OSBPL6: variants seen among roughly 807,000 people sequenced by gnomAD.
OSBPL6 encodes oxysterol binding protein like 6.
A neutral mutation model predicts 125.8 loss-of-function variants in OSBPL6; 49 were observed. That is an observed-to-expected ratio of 0.39 (90% CI 0.31 to 0.49). The LOEUF is 0.49. Among genes scored for constraint, OSBPL6 ranks in the 20% least tolerant of loss-of-function variants. The pLI is 0.88. For missense variants in OSBPL6, 986 were observed against 1,135.4 expected, an observed-to-expected ratio of 0.87 and a Z score of 1.89; for synonymous variants, 394 against 391.8, an observed-to-expected ratio of 1.01 and a Z score of -0.07.
chr2:178,272,496 G>A lies in OSBPL6; in HGVS notation c.-350-12431G>A, dbSNP rs146689598. Among the ~76,000 whole-genome samples the A allele has an allele frequency of 1.7e-4, 26 of 152,278 alleles. 1 individual carries two copies. The highest frequency in any genetic ancestry group is 5.8e-4 in the African/African-American group (24 of 41,554). ...TTGCAGCAGGGGAAAGACAGGATCA[G>A]CTATCTTATGATTTATCTAATTTGG... On this transcript the variant is annotated intron_variant, in intron 1 of 24. Coordinates refer to ENST00000190611, the MANE Select transcript of OSBPL6 (RefSeq NM_032523.4).
chr2:178,233,609 G>A (rs944254835), intron 1 of OSBPL6, among the ~76,000 whole-genome samples: 12 of 152,166 alleles, frequency 7.9e-5, no homozygotes, highest in African/African-American at 2.9e-4. Flanking sequence ...GCATCATCCT[G>A]GGGATCCCTC....
chr2:178,263,806 C>CGTGTGTGT (rs71393413), intron 1 of OSBPL6, among the ~76,000 whole-genome samples: 71 of 147,904 alleles, frequency 4.8e-4, no homozygotes, highest in East Asian at 2.8e-3. Context: ...ACTGTGTACA[C>CGTGTGTGT]GTGTGTGTGT....
intron 3 of OSBPL6, among the ~76,000 whole-genome samples, chr2:178,318,954 G>T (rs1688003702): frequency 6.6e-6 from 1 of 152,224 alleles, no homozygotes; most frequent in Non-Finnish European, 1.5e-5. Context: ...GGGCAGCACT[G>T]TGCATACACT....
intron 5 of OSBPL6, among the ~76,000 whole-genome samples, chr2:178,328,957 T>G (rs1688948556): frequency 6.6e-6 from 1 of 152,234 alleles, no homozygotes; most frequent in African/African-American, 2.4e-5. Context: ...TTAGTATAGA[T>G]AAGTTCTCAT....
In OSBPL6 at chr2:178,349,283, T is replaced by C. The variant is rs775111851; in HGVS notation, c.1047T>C (p.Cys349=). 6.2e-7 allele frequency: 1 copy of C among 1,614,142 alleles called. No homozygotes were observed. The highest frequency in any genetic ancestry group is 1.7e-5 in the Admixed American group (1 of 60,024). Residue 349 remains cysteine, a synonymous_variant, in exon 12 of 25, where the codon TGT becomes TGC. Coordinates refer to ENST00000190611, the MANE Select transcript of OSBPL6 (RefSeq NM_032523.4). The part of the protein sequence containing the change: ...VRLHSSNPNL[C]ADIEFQTPPS... ...TGCATTCCTCCAACCCCAACCTTTG[T>C]GCAGATATTGAATTTCAGACTCCCC...
In OSBPL6 at chr2:178,209,851, G is replaced by A. The variant is rs376854690; in HGVS notation, c.-351+15177G>A. ...CTTTTGCCTGAAGGCTACAGGTCTG[G>A]CTACCATTAAGAAAAAAAAAAAACT... On this transcript the variant is annotated intron_variant, in intron 1 of 24. Transcript: ENST00000190611. Among the ~76,000 whole-genome samples, 22 of 151,166 alleles carry A rather than the reference G, an allele frequency of 1.5e-4. No homozygotes were observed. In the Middle Eastern group the frequency reaches 0.01, roughly 71 times the overall value.
chr2:178,194,386 G>C (rs536825742), upstream of OSBPL6: 1 of 152,140 alleles, frequency 6.6e-6, no homozygotes, highest in South Asian at 2.1e-4. Context: ...CTCCAGCCGG[G>C]CGGACGGGCG....
chr2:178,318,419 A>G (rs1425700779), intron 3 of OSBPL6, among the ~76,000 whole-genome samples: 2 of 152,278 alleles, frequency 1.3e-5, no homozygotes, highest in Non-Finnish European at 1.5e-5. Context: ...TTATATAGAG[A>G]CCTACTGTTA....
chr2:178,313,649 C>T (rs182573914), intron 3 of OSBPL6, among the ~76,000 whole-genome samples: 72 of 152,196 alleles, frequency 4.7e-4, no homozygotes, highest in African/African-American at 1.5e-3. Flanking sequence ...ATCTTCTTAC[C>T]AGTTTTTATG....
chr2:178,323,209 T>G (rs1559244412), intron 3 of OSBPL6, among the ~76,000 whole-genome samples: 2 of 152,236 alleles, frequency 1.3e-5, no homozygotes, highest in Non-Finnish European at 2.9e-5. Flanking sequence ...TTCTTGAATC[T>G]GATGGGTAAA....
intron 13 of OSBPL6, among the ~76,000 whole-genome samples, chr2:178,365,191 A>G (rs1468195272): frequency 2.0e-5 from 3 of 152,142 alleles, no homozygotes; most frequent in Non-Finnish European, 4.4e-5. Context: ...ATAAATAAAT[A>G]AAAAACTTAT....
intron 24 of OSBPL6, among the ~76,000 whole-genome samples, chr2:178,394,943 A>G (rs1695716558): frequency 1.3e-5 from 2 of 152,184 alleles, no homozygotes; most frequent in Non-Finnish European, 2.9e-5. Context: ...TGCCCTCCAG[A>G]GCCAGGACAA....
At chr2:178,200,019 T>A (rs1413361448) in intron 1 of OSBPL6, among the ~76,000 whole-genome samples, 2 of 152,224 alleles carry the variant, frequency 1.3e-5, no homozygotes, top group East Asian at 3.8e-4. Flanking sequence ...TAATGCCTAA[T>A]TATTCTTTGT....
intron 3 of OSBPL6, among the ~76,000 whole-genome samples, chr2:178,313,541 CAA>C (rs1687480052): frequency 2.6e-5 from 4 of 151,910 alleles, no homozygotes; most frequent in African/African-American, 9.7e-5. Context: ...CGTAATGACT[CAA>C]AGTTTGCTGA....
chr2:178,272,792 GT>G lies in OSBPL6; in HGVS notation c.-350-12134del, dbSNP rs559619465. Among the ~76,000 whole-genome samples, 13 of 152,336 alleles carry G rather than the reference GT, an allele frequency of 8.5e-5. No individual in the cohort carries two copies. The South Asian group carries it at 2.3e-3, about 27-fold the overall frequency. ...CACTTTAGCATCCTTCTTGCATACT[GT>G]AGCAAAAAGCATGAGCACCTGCCAT... is the stretch of plus-strand genomic sequence containing the variant. On this transcript the variant is annotated intron_variant, in intron 1 of 24. Transcript: ENST00000190611.
At chr2:178,299,720 A>G (rs1181233255) in intron 2 of OSBPL6, among the ~76,000 whole-genome samples, 1 of 152,252 alleles carries the variant, frequency 6.6e-6, no homozygotes, top group East Asian at 1.9e-4. Flanking sequence ...GTGTTTTACA[A>G]TATTTAGTTC....
rs1020074600 is a variant in OSBPL6, at chr2:178,285,124, G to A, written c.-156+3G>A. 2.5e-6 allele frequency: 1 copy of A among 398,282 alleles called. No individual in the cohort carries two copies. The highest frequency in any genetic ancestry group is 4.4e-5 in the Admixed American group (1 of 22,698). 24.7% of individuals were successfully genotyped at this position (398,282 alleles called of 1,614,324 possible). ...AGACTTTGACTCCAAGGTGCAAGGT[G>A]AGTTAGAAGAACACAAGCTTAAAAC... On this transcript the variant is annotated splice_donor_region_variant and intron_variant, in intron 2 of 24. Transcript: ENST00000190611.
At chr2:178,287,025 T>C (rs190185360) in intron 2 of OSBPL6, among the ~76,000 whole-genome samples, 2 of 152,156 alleles carry the variant, frequency 1.3e-5, no homozygotes, top group Admixed American at 1.3e-4. Flanking sequence ...GGTAATAAAA[T>C]ACTTTAACCA....
Position 178,297,332 on chromosome 2 carries a change from T to C in OSBPL6, c.-155-8698T>C, listed in dbSNP as rs539072415. 2.0e-5 allele frequency among the ~76,000 whole-genome samples: 3 copies of C among 152,326 alleles called. No homozygotes were observed. The South Asian group carries it at 6.2e-4, about 32-fold the overall frequency. On this transcript the variant is annotated intron_variant, in intron 2 of 24. Transcript: ENST00000190611. ...AAAGAACTAGGCTGGGTACAGTGGC[T>C]CACGCCTCTAATCCCAACACTTTGG...
Sources: gnomAD v4.1 joint callset for allele counts (sites outside exome capture counted in the v4.1 genomes callset) on GRCh38, gnomAD v4.1.1 for gene constraint, MANE v1.5 for transcripts, NCBI Gene and HGNC (gene_info 2026-07-23, HGNC 2026-07-21) for gene names.